Variants in CCSER2 observed in about 807,000 individuals in gnomAD.
The protein encoded by CCSER2 is serine-rich coiled-coil domain-containing protein 2.
CCSER2 carries 46 observed loss-of-function variants against 92.3 expected under a neutral mutation model. The ratio of observed to expected loss-of-function variants is 0.50; its 90% CI spans 0.39 to 0.64. The LOEUF is 0.64. Ranked by LOEUF, CCSER2 falls within the 30% of genes least tolerant of loss-of-function variation. CCSER2 has a pLI of 0.00. For missense variants in CCSER2, 1,244 were observed against 1,238.9 expected, an observed-to-expected ratio of 1.00 and a Z score of -0.06; for synonymous variants, 433 against 431.4, an observed-to-expected ratio of 1.00 and a Z score of -0.04.
intron 6 of CCSER2, among the ~76,000 whole-genome samples, chr10:84,448,338 A>G (rs982933319): frequency 1.3e-5 from 2 of 151,790 alleles, no homozygotes; most frequent in African/African-American, 4.8e-5. Context: ...TATTCTTTCC[A>G]CTTAAGTTTG....
At chr10:84,486,588 T>G (rs1232045167) in intron 9 of CCSER2, among the ~76,000 whole-genome samples, 1 of 152,094 alleles carries the variant, frequency 6.6e-6, no homozygotes, top group Non-Finnish European at 1.5e-5. Flanking sequence ...GTTGATGGGG[T>G]TGTTTGTTTT....
At position 84,514,773 on chromosome 10, in the gene CCSER2, A is replaced by C. The variant is rs1214720003; in HGVS notation, c.*506A>C. ...TGTATATTTAAAAGGTCTATGCAAA[A>C]GCTTTGTGATGAATAAAGGAGATTA... On this transcript the variant is annotated 3_prime_UTR_variant, in exon 10 of 10. Coordinates refer to ENST00000372088, the MANE Select transcript of CCSER2 (RefSeq NM_001284240.2). The C allele has an allele frequency of 7.8e-5, 12 of 153,624 alleles. No homozygotes were observed. The highest frequency in any genetic ancestry group is 1.5e-5 in the Non-Finnish European group (1 of 68,790). The allele number at this position is 153,624 out of a possible 1,614,324, so 9.5% of individuals were successfully genotyped here.
At chr10:84,370,592 C>T (rs923721868) in intron 1 of CCSER2, among the ~76,000 whole-genome samples, 12 of 152,056 alleles carry the variant, frequency 7.9e-5, no homozygotes, top group African/African-American at 2.7e-4. Context: ...CTTTTCCAAT[C>T]TGAATGCCTT....
intron 8 of CCSER2, among the ~76,000 whole-genome samples, chr10:84,471,630 TAACTC>T (rs1303323819): frequency 6.6e-6 from 1 of 151,874 alleles, no homozygotes; most frequent in African/African-American, 2.4e-5. Flanking sequence ...AATTGAAAAA[TAACTC>T]AAGAATAAGG....
At chr10:84,341,157 G>A (rs984585520) in intron 1 of CCSER2, among the ~76,000 whole-genome samples, 1 of 147,616 alleles carries the variant, frequency 6.8e-6, no homozygotes, top group South Asian at 2.2e-4. Context: ...GTGCCCTCCC[G>A]AGTAGCTGGG....
At chr10:84,500,042 C>T in intron 9 of CCSER2, 1 of 1,597,182 alleles carries the variant, frequency 6.3e-7, no homozygotes, top group South Asian at 1.1e-5. Flanking sequence ...TCCTCCCCAG[C>T]ACCTCCTTTT....
At chr10:84,434,896 A>G (rs931814368) in intron 5 of CCSER2, among the ~76,000 whole-genome samples, 1 of 152,182 alleles carries the variant, frequency 6.6e-6, no homozygotes, top group Non-Finnish European at 1.5e-5. Context: ...ATCTATGCAG[A>G]TAATATTAAA....
At chr10:84,500,857 A>T (rs1011267496) in intron 9 of CCSER2, among the ~76,000 whole-genome samples, 1 of 152,224 alleles carries the variant, frequency 6.6e-6, no homozygotes, top group African/African-American at 2.4e-5. Flanking sequence ...CAAAGGAGGA[A>T]ATTTTAAGCA....
chr10:84,375,469 T>G (rs1448836064), intron 3 of CCSER2, among the ~76,000 whole-genome samples: 1 of 151,958 alleles, frequency 6.6e-6, no homozygotes, highest in Non-Finnish European at 1.5e-5. Flanking sequence ...ATTTTTGCTC[T>G]GAAGTTACGT....
intron 9 of CCSER2, among the ~76,000 whole-genome samples, chr10:84,495,203 C>CT (rs1314676024): frequency 2.0e-5 from 3 of 149,530 alleles, no homozygotes; most frequent in African/African-American, 7.4e-5. Context: ...TTGAGACTTC[C>CT]TCTCTGACTG....
chr10:84,478,497 A>G (rs1263940053), intron 9 of CCSER2, among the ~76,000 whole-genome samples: 1 of 152,332 alleles, frequency 6.6e-6, no homozygotes, highest in East Asian at 1.9e-4. Context: ...TCAGTTTATA[A>G]AGCTTAGCCA....
chr10:84,462,453 A>C (rs936081495), intron 6 of CCSER2, among the ~76,000 whole-genome samples: 9 of 152,320 alleles, frequency 5.9e-5, no homozygotes, highest in African/African-American at 1.9e-4. Context: ...TCTCTTCTCA[A>C]ATATACTTGT....
intron 1 of CCSER2, among the ~76,000 whole-genome samples, chr10:84,361,977 A>G (rs1285638369): frequency 6.6e-6 from 1 of 152,190 alleles, no homozygotes; most frequent in Non-Finnish European, 1.5e-5. Flanking sequence ...ATTCTAACGT[A>G]TGTAGATGTT....
At chr10:84,408,513 C>A (rs1842482979) in intron 3 of CCSER2, among the ~76,000 whole-genome samples, 3 of 151,894 alleles carry the variant, frequency 2.0e-5, no homozygotes, top group Admixed American at 2.0e-4. Context: ...TTAGTAACTT[C>A]ATAGAGTGAT....
At chr10:84,348,545 C>T (rs947448253) in intron 1 of CCSER2, among the ~76,000 whole-genome samples, 2 of 152,150 alleles carry the variant, frequency 1.3e-5, no homozygotes, top group African/African-American at 2.4e-5. Context: ...GGAGAATCCT[C>T]ACTTCTTATG....
chr10:84,372,463 G>A lies in CCSER2; in HGVS notation c.1411G>A (p.Val471Ile), dbSNP rs1214935577. The A allele has an allele frequency of 1.3e-6, 2 of 1,539,712 alleles. No homozygotes were observed. Among genetic ancestry groups the A allele is most frequent in the Admixed American group, 2.2e-5 (1 of 45,674 alleles). The change falls in exon 2 of 10, where the codon GTC (valine) becomes ATC (isoleucine). Residue 471 changes from valine (V) to isoleucine (I), a missense_variant. Physicochemically the swap from Val to Ile is conservative, Grantham distance 29. Transcript: ENST00000372088. Reference protein sequence around the residue: ...SKTDEWIDISVSDRSECTKHT... With the variant: ...SKTDEWIDISISDRSECTKHT... ...AACTGATGAATGGATAGATATAAGTGTCTCTGGTAAATATTACTTACCTTA... is the reference window on the plus strand; with the variant it reads ...AACTGATGAATGGATAGATATAAGTATCTCTGGTAAATATTACTTACCTTA...
At chr10:84,377,264 A>G (rs150670777) in intron 3 of CCSER2, among the ~76,000 whole-genome samples, 4 of 152,196 alleles carry the variant, frequency 2.6e-5, no homozygotes, top group African/African-American at 9.6e-5. Context: ...GTCTTTTCCC[A>G]CCTTAATATC....
intron 9 of CCSER2, among the ~76,000 whole-genome samples, chr10:84,505,473 A>T (rs957815271): frequency 1.3e-5 from 2 of 152,154 alleles, no homozygotes; most frequent in African/African-American, 4.8e-5. Context: ...ATTGACTCTA[A>T]TGTGTGACTA....
At chr10:84,456,037 G>A in intron 6 of CCSER2, 1 of 475,818 alleles carries the variant, frequency 2.1e-6, no homozygotes, top group Middle Eastern at 5.5e-4. Flanking sequence ...AGATGTTTCT[G>A]TAGCTCTTCC....
Sources: gnomAD v4.1 joint callset for allele counts (sites outside exome capture counted in the v4.1 genomes callset) on GRCh38, gnomAD v4.1.1 for gene constraint, MANE v1.5 for transcripts, NCBI Gene and HGNC (gene_info 2026-07-23, HGNC 2026-07-21) for gene names.